ESR1: variants seen among roughly 807,000 people sequenced by gnomAD.
ESR1 encodes estrogen receptor.
In ESR1, 12 loss-of-function variants were observed where a neutral mutation model predicts 52.7. The observed-to-expected ratio is 0.23, with a 90% CI of 0.15 to 0.37. The LOEUF is 0.37. Among genes scored for constraint, ESR1 ranks in the 10% least tolerant of loss-of-function variants. The probability of loss-of-function intolerance (pLI) is 1.00; values close to 1 mark genes in which losing one functional copy is unlikely to be tolerated. For missense variants in ESR1, 584 were observed against 779.7 expected (o/e 0.75, Z 2.99); for synonymous variants, 305 against 316.8 (o/e 0.96, Z 0.39).
At chr6:151,752,111 G>A (rs868787225) in intron 2 of ESR1, among the ~76,000 whole-genome samples, 3 of 152,260 alleles carry the variant, frequency 2.0e-5, no homozygotes, top group Middle Eastern at 3.4e-3. Flanking sequence ...GCGTGCTGGC[G>A]AGGAAGCCCC....
intron 4 of ESR1, among the ~76,000 whole-genome samples, chr6:151,958,099 A>G (rs982600927): frequency 1.3e-5 from 2 of 152,228 alleles, no homozygotes; most frequent in African/African-American, 4.8e-5. Flanking sequence ...GTGCAATTGT[A>G]CCTGGAATAA....
intron 6 of ESR1, among the ~76,000 whole-genome samples, chr6:152,078,363 T>A (rs1233199085): frequency 6.6e-6 from 1 of 152,234 alleles, no homozygotes; most frequent in Non-Finnish European, 1.5e-5. Flanking sequence ...CAAGACGGCC[T>A]TTCTTTTCAC....
intron 5 of ESR1, among the ~76,000 whole-genome samples, chr6:152,012,714 T>C (rs1239330450): frequency 6.6e-6 from 1 of 152,196 alleles, no homozygotes; most frequent in Non-Finnish European, 1.5e-5. Context: ...TGCCATAGCA[T>C]TCTGTTTTCC....
At chr6:151,934,635 G>A (rs568422537) in intron 3 of ESR1, among the ~76,000 whole-genome samples, 34 of 152,192 alleles carry the variant, frequency 2.2e-4, no homozygotes, top group African/African-American at 3.1e-4. Flanking sequence ...TAGCCTGTCC[G>A]CTCCATGTGC....
At chr6:152,011,446 G>A (rs993498405) in intron 4 of ESR1, among the ~76,000 whole-genome samples, 11 of 152,066 alleles carry the variant, frequency 7.2e-5, no homozygotes, top group African/African-American at 2.7e-4. Flanking sequence ...TGACACTATG[G>A]CACTAAGAAA....
chr6:151,979,504 A>G (rs988725143), intron 4 of ESR1, among the ~76,000 whole-genome samples: 8 of 152,188 alleles, frequency 5.3e-5, no homozygotes, highest in African/African-American at 1.4e-4. Context: ...TAAGAGAGTT[A>G]TGCCCTTATT....
At chr6:152,041,946 T>C (rs112958933) in intron 5 of ESR1, among the ~76,000 whole-genome samples, 92 of 152,306 alleles carry the variant, frequency 6.0e-4, no homozygotes, top group African/African-American at 2.0e-3. Flanking sequence ...GCAGCTGCAA[T>C]TGGAGTCACC....
chr6:151,701,717 A>G (rs1779811528), intron 1 of ESR1, among the ~76,000 whole-genome samples: 1 of 152,152 alleles, frequency 6.6e-6, no homozygotes, highest in African/African-American at 2.4e-5. Flanking sequence ...TGAACAGGTA[A>G]GCCAAACATT....
chr6:151,905,322 G>A (rs1245504986), intron 3 of ESR1, among the ~76,000 whole-genome samples: 1 of 152,182 alleles, frequency 6.6e-6, no homozygotes, highest in Non-Finnish European at 1.5e-5. Flanking sequence ...CTGATGTATT[G>A]CATTATGCTT....
chr6:151,759,223 C>T (rs1398803044), intron 2 of ESR1, among the ~76,000 whole-genome samples: 5 of 141,416 alleles, frequency 3.5e-5, no homozygotes, highest in East Asian at 4.2e-4. Context: ...TGCAGTGAGC[C>T]GAGATCATGC....
At chr6:151,758,402 A>G (rs1784426923) in intron 2 of ESR1, among the ~76,000 whole-genome samples, 1 of 152,222 alleles carries the variant, frequency 6.6e-6, no homozygotes, top group African/African-American at 2.4e-5. Context: ...ATTTAGGATC[A>G]GAAAAATATA....
At chr6:151,926,563 C>T (rs1165883442) in intron 3 of ESR1, among the ~76,000 whole-genome samples, 1 of 151,772 alleles carries the variant, frequency 6.6e-6, no homozygotes, top group African/African-American at 2.4e-5. Flanking sequence ...ACATATAGGC[C>T]TTGTACATAC....
At chr6:151,784,631 A>G (rs1265536306) in intron 2 of ESR1, among the ~76,000 whole-genome samples, 3 of 152,220 alleles carry the variant, frequency 2.0e-5, no homozygotes, top group African/African-American at 7.2e-5. Context: ...AGTTATAAGG[A>G]ATACCTTTCC....
At chr6:151,729,099 A>G (rs1025856712) in intron 2 of ESR1, among the ~76,000 whole-genome samples, 14 of 152,206 alleles carry the variant, frequency 9.2e-5, no homozygotes, top group Admixed American at 2.0e-4. Flanking sequence ...AACTCTCAAG[A>G]TGATGGTATT....
At chr6:151,789,173 A>G (rs188972598) in intron 2 of ESR1, among the ~76,000 whole-genome samples, 1 of 152,376 alleles carries the variant, frequency 6.6e-6, no homozygotes, top group East Asian at 1.9e-4. Context: ...AACCCTTATT[A>G]CACAATTAGT....
At chr6:152,007,028 C>T (rs568331327) in intron 4 of ESR1, among the ~76,000 whole-genome samples, 1 of 151,974 alleles carries the variant, frequency 6.6e-6, no homozygotes, top group Non-Finnish European at 1.5e-5. Flanking sequence ...TGAAGAGCCA[C>T]CCTGATTTAT....
chr6:151,690,604 C>T (rs1264808658), exon 1 of ESR1: 1 of 152,170 alleles, frequency 6.6e-6, no homozygotes. Flanking sequence ...GTCCATGCTC[C>T]TTTCTCCTGC....
chr6:151,782,449 T>C (rs750424698), intron 2 of ESR1, among the ~76,000 whole-genome samples: 17 of 152,232 alleles, frequency 1.1e-4, no homozygotes, highest in Non-Finnish European at 2.4e-4. Context: ...AACAAGTGTT[T>C]GGGTTTTTTA....
intron 1 of ESR1, among the ~76,000 whole-genome samples, chr6:151,841,822 C>T (rs1197746945): frequency 6.6e-6 from 1 of 152,106 alleles, no homozygotes; most frequent in Non-Finnish European, 1.5e-5. Flanking sequence ...AAGTGATTCT[C>T]CCACCTCAGC....
Sources: allele counts gnomAD v4.1 joint callset (sites outside exome capture counted in the v4.1 genomes callset), GRCh38; gene constraint gnomAD v4.1.1; transcripts MANE v1.5; gene names NCBI Gene and HGNC (gene_info 2026-07-23, HGNC 2026-07-21).